The following DNER variants were observed in gnomAD, a reference collection of about 807,000 sequenced individuals.
DNER encodes delta/notch like EGF repeat containing.
In DNER, 33 loss-of-function variants were observed where a neutral mutation model predicts 78.2. The observed-to-expected ratio is 0.42, with a 90% CI of 0.32 to 0.56. DNER has a LOEUF of 0.56. DNER is among the 20% of genes least tolerant of loss of function. The pLI is 0.11. For synonymous variants in DNER, 417 were observed against 384.8 expected (o/e 1.08, Z -0.98); for missense variants, 918 against 975.3 (o/e 0.94, Z 0.78).
At chr2:229,657,580 T>C (rs181698649) in intron 1 of DNER, among the ~76,000 whole-genome samples, 4 of 152,344 alleles carry the variant, frequency 2.6e-5, no homozygotes, top group Admixed American at 2.0e-4. Context: ...TACCTCCAGA[T>C]GTTTTATCTT....
intron 1 of DNER, among the ~76,000 whole-genome samples, chr2:229,685,167 G>A (rs547672781): frequency 5.9e-5 from 9 of 152,316 alleles, no homozygotes; most frequent in South Asian, 2.1e-4. Context: ...CAGCTTTGAC[G>A]AGAATAAAGG....
At chr2:229,673,464 C>T (rs1699245646) in intron 1 of DNER, among the ~76,000 whole-genome samples, 1 of 152,222 alleles carries the variant, frequency 6.6e-6, no homozygotes, top group African/African-American at 2.4e-5. Flanking sequence ...TGTCATATGG[C>T]ATATACCTTG....
intron 7 of DNER, among the ~76,000 whole-genome samples, chr2:229,450,013 C>T (rs1694422457): frequency 6.6e-6 from 1 of 152,192 alleles, no homozygotes; most frequent in South Asian, 2.1e-4. Context: ...AACTCCTGAC[C>T]TCGTGATCAA....
intron 8 of DNER, among the ~76,000 whole-genome samples, chr2:229,422,472 C>T (rs2106351053): frequency 6.6e-6 from 1 of 152,252 alleles, no homozygotes; most frequent in Middle Eastern, 3.4e-3. Context: ...ATTGACGGGG[C>T]ACAGCAACCA....
At chr2:229,691,613 C>A (rs1018927152) in intron 1 of DNER, among the ~76,000 whole-genome samples, 2 of 151,818 alleles carry the variant, frequency 1.3e-5, no homozygotes, top group Non-Finnish European at 1.5e-5. Flanking sequence ...TATAAAGGAA[C>A]CAAATCTTCT....
At chr2:229,636,892 C>A (rs1341011466) in intron 1 of DNER, among the ~76,000 whole-genome samples, 1 of 152,128 alleles carries the variant, frequency 6.6e-6, no homozygotes, top group Admixed American at 6.5e-5. Context: ...CAGAATGAAA[C>A]CCCTGTGTGA....
intron 1 of DNER, among the ~76,000 whole-genome samples, chr2:229,703,915 A>G (rs895039553): frequency 1.3e-3 from 19 of 15,008 alleles, no homozygotes; most frequent in African/African-American, 2.2e-3. Flanking sequence ...AGAGAAAGAG[A>G]GAAAAAGAAA....
chr2:229,654,566 G>T (rs1294190584), intron 1 of DNER, among the ~76,000 whole-genome samples: 3 of 152,126 alleles, frequency 2.0e-5, no homozygotes. Context: ...GTTATGTTTT[G>T]TCTGCCTTGT....
At chr2:229,366,420 A>C (rs1402919675) in intron 12 of DNER, among the ~76,000 whole-genome samples, 1 of 152,336 alleles carries the variant, frequency 6.6e-6, no homozygotes. Context: ...CTTCTTCCAG[A>C]AAAGGATACT....
chr2:229,603,241 T>A (rs952383518), intron 1 of DNER, among the ~76,000 whole-genome samples: 2 of 152,208 alleles, frequency 1.3e-5, no homozygotes, highest in Admixed American at 6.5e-5. Flanking sequence ...AGAATATCTG[T>A]ATAACCTTAT....
At chr2:229,546,915 G>A (rs1455729228) in intron 5 of DNER, 32 bp downstream of exon 5, 2 of 1,613,058 alleles carry the variant, frequency 1.2e-6, no homozygotes, top group South Asian at 2.2e-5. Context: ...ATGTAAATAT[G>A]TGTATTTACA....
At chr2:229,432,115 A>T (rs1397783325) in intron 8 of DNER, among the ~76,000 whole-genome samples, 2 of 152,238 alleles carry the variant, frequency 1.3e-5, no homozygotes, top group Non-Finnish European at 2.9e-5. Flanking sequence ...AATATTTTAT[A>T]ATTTGAGTTA....
In DNER at chr2:229,714,403, C is replaced by T; in HGVS notation, c.21G>A (p.Gln7=). 8.5e-7 allele frequency: 1 copy of T among 1,171,318 alleles called. No individual in the cohort carries two copies. Among genetic ancestry groups the T allele is most frequent in the Non-Finnish European group, 1.0e-6 (1 of 952,394 alleles). The allele number at this position is 1,171,318 out of a possible 1,614,324, so 72.6% of individuals were successfully genotyped here. ...CGGGCAGCAGCTGCGCACCGGGCGC[C>T]TGGGCGCGGCGGGGCTGCATGGCCG... MQPRRA[Q]APGAQLLPAL... The change falls in exon 1 of 13, where the codon CAG becomes CAA. Residue 7 remains glutamine, a synonymous_variant. Transcript: ENST00000341772.
intron 1 of DNER, among the ~76,000 whole-genome samples, chr2:229,607,559 C>T (rs1403155778): frequency 6.6e-6 from 1 of 152,032 alleles, no homozygotes; most frequent in African/African-American, 2.4e-5. Context: ...ATGAAAGGAC[C>T]AAATATTTTC....
chr2:229,386,025 C>A (rs941458789), intron 11 of DNER, among the ~76,000 whole-genome samples: 19 of 152,200 alleles, frequency 1.2e-4, no homozygotes, highest in Non-Finnish European at 2.6e-4. Context: ...CAATCCTAAG[C>A]AAACAGAACA....
chr2:229,657,848 C>T (rs759034010), intron 1 of DNER, among the ~76,000 whole-genome samples: 3 of 152,000 alleles, frequency 2.0e-5, no homozygotes, highest in African/African-American at 4.8e-5. Context: ...TTCAGGAGTG[C>T]GATGATAGAG....
At chr2:229,625,725 G>T (rs1353915788) in intron 1 of DNER, among the ~76,000 whole-genome samples, 1 of 152,166 alleles carries the variant, frequency 6.6e-6, no homozygotes, top group Non-Finnish European at 1.5e-5. Flanking sequence ...CAGGAAAGTT[G>T]TCCTAAGTAT....
chr2:229,667,443 G>C (rs1412106112), intron 1 of DNER, among the ~76,000 whole-genome samples: 2 of 152,124 alleles, frequency 1.3e-5, no homozygotes, highest in Non-Finnish European at 2.9e-5. Context: ...AGGCCAAGCA[G>C]AGTATTTCAA....
chr2:229,400,392 C>A (rs1009036284), intron 10 of DNER, among the ~76,000 whole-genome samples: 1 of 151,762 alleles, frequency 6.6e-6, no homozygotes, highest in African/African-American at 2.4e-5. Context: ...AGCTTAGCAC[C>A]CAAATCTTGT....
Sources: allele counts gnomAD v4.1 joint callset (sites outside exome capture counted in the v4.1 genomes callset), GRCh38; gene constraint gnomAD v4.1.1; transcripts MANE v1.5; gene names NCBI Gene and HGNC (gene_info 2026-07-23, HGNC 2026-07-21).